The following DOCK4 variants were observed in gnomAD, a reference collection of about 807,000 sequenced individuals.
DOCK4 encodes the protein dedicator of cytokinesis protein 4.
A neutral mutation model predicts 268.1 loss-of-function variants in DOCK4; 97 were observed. The ratio of observed to expected loss-of-function variants is 0.36; its 90% confidence interval spans 0.31 to 0.43. The LOEUF is 0.43. DOCK4 is among the 20% of genes least tolerant of loss of function. The probability of loss-of-function intolerance (pLI) is 1.00; values close to 1 mark genes in which losing one functional copy is unlikely to be tolerated. For synonymous variants in DOCK4, 954 were observed against 887.2 expected (o/e 1.08, Z -1.34); for missense variants, 2,145 against 2,455.7 (o/e 0.87, Z 2.67).
rs575959279 is a variant in DOCK4 at position 112,083,819 on chromosome 7, C to T, written c.38-79688G>A. Among the ~76,000 whole-genome samples, 34 of 152,194 alleles carry T rather than the reference C, an allele frequency of 2.2e-4. 1 individual carries two copies. In the Middle Eastern group the frequency reaches 0.01, roughly 46 times the overall value. On this transcript the variant is annotated intron_variant, in intron 1 of 52. Transcript: ENST00000428084. Reference sequence around the variant, plus strand: ...ATCATACCAAAGGCTTAGTTTAGTACGGTAAATTAGATTGGTATTTGGCAA... The same window carrying T: ...ATCATACCAAAGGCTTAGTTTAGTATGGTAAATTAGATTGGTATTTGGCAA...
At chr7:111,764,395 T>C (rs1416841142) in intron 39 of DOCK4, among the ~76,000 whole-genome samples, 1 of 152,212 alleles carries the variant, frequency 6.6e-6, no homozygotes, top group African/African-American at 2.4e-5. Flanking sequence ...GTTGTAACAA[T>C]TGATTCAATT....
intron 30 of DOCK4, among the ~76,000 whole-genome samples, chr7:111,803,207 A>T (rs1222658313): frequency 6.6e-6 from 1 of 152,230 alleles, no homozygotes; most frequent in Non-Finnish European, 1.5e-5. Context: ...ATTGTGCAGG[A>T]ATGCATGAGA....
At chr7:111,835,503 C>T (rs1482449984) in intron 25 of DOCK4, among the ~76,000 whole-genome samples, 1 of 152,078 alleles carries the variant, frequency 6.6e-6, no homozygotes, top group African/African-American at 2.4e-5. Context: ...CATAAAATTG[C>T]TATCACTTGC....
chr7:111,888,729 T>TC (rs1808047774), intron 16 of DOCK4, among the ~76,000 whole-genome samples: 2 of 151,834 alleles, frequency 1.3e-5, no homozygotes, highest in South Asian at 4.1e-4. Context: ...CACTCCATCT[T>TC]CCCCCCTCTT....
chr7:111,772,711 A>G (rs571121834), intron 36 of DOCK4, among the ~76,000 whole-genome samples: 33 of 152,270 alleles, frequency 2.2e-4, no homozygotes, highest in African/African-American at 7.0e-4. Flanking sequence ...CAGGTGAATC[A>G]CTTGAACCCA....
rs545439522 is a variant in DOCK4 at position 112,146,746 on chromosome 7, G to A, written c.37+59356C>T. Among the ~76,000 whole-genome samples, 89 of 152,142 alleles carry A rather than the reference G, an allele frequency of 5.8e-4. 1 individual carries two copies. Among genetic ancestry groups the A allele is most frequent in the Admixed American group, 1.9e-3 (29 of 15,268 alleles). ...AGACCTTGTCTCAAAAAAGTACTTT[G>A]GCAGAGGAAGAACATTTTACAGAGA... On this transcript the variant is annotated intron_variant, in intron 1 of 52. Transcript: ENST00000428084.
chr7:111,882,083 A>C (rs569047144), intron 16 of DOCK4, among the ~76,000 whole-genome samples: 117 of 152,344 alleles, frequency 7.7e-4, no homozygotes, highest in African/African-American at 2.4e-3. Flanking sequence ...GTATAATTGG[A>C]TTGTTTGTAA....
intron 1 of DOCK4, among the ~76,000 whole-genome samples, chr7:112,084,327 T>C (rs1033290220): frequency 2.0e-5 from 3 of 152,216 alleles, no homozygotes; most frequent in African/African-American, 7.2e-5. Context: ...ACCATTACAT[T>C]TCAGTACAAT....
In DOCK4 at chr7:111,742,052, A is replaced by C. The variant is rs373126240; in HGVS notation, c.4758T>G (p.Val1586=). The C allele has an allele frequency of 1.6e-5, 26 of 1,608,844 alleles. No individual in the cohort carries two copies. Among genetic ancestry groups the C allele is most frequent in the African/African-American group, 4.0e-5 (3 of 74,690 alleles). The change falls in exon 45 of 53, where the codon GTT becomes GTG. Residue 1586 remains valine, a synonymous_variant. Transcript: ENST00000428084. Reference sequence around the variant, plus strand: ...TCGACTTCATCACAAAGAATTGGTCAACCAGCTTTTTGTGAAGGGGTCTCA... The same window carrying C: ...TCGACTTCATCACAAAGAATTGGTCCACCAGCTTTTTGTGAAGGGGTCTCA... ...QDMRPLHKKL[V]DQFFVMKSSL...
chr7:112,012,335 A>T (rs1379941920), intron 1 of DOCK4, among the ~76,000 whole-genome samples: 1 of 151,914 alleles, frequency 6.6e-6, no homozygotes, highest in Non-Finnish European at 1.5e-5. Flanking sequence ...GCTTTTTCTG[A>T]TAAGGCAGCA....
intron 1 of DOCK4, among the ~76,000 whole-genome samples, chr7:112,028,802 G>T (rs12673764): frequency 0.11 from 16,018 of 152,122 alleles, 1,301 homozygotes; most frequent in East Asian, 0.39. Context: ...GCCTCACTGG[G>T]TTCCCTTTGT....
intron 1 of DOCK4, among the ~76,000 whole-genome samples, chr7:112,076,694 A>G (rs938509704): frequency 6.6e-6 from 1 of 152,280 alleles, no homozygotes; most frequent in East Asian, 1.9e-4. Flanking sequence ...AAGTGTGTTC[A>G]GGGTTTTATG....
At chr7:111,943,309 G>A (rs960285678) in intron 10 of DOCK4, among the ~76,000 whole-genome samples, 3 of 152,154 alleles carry the variant, frequency 2.0e-5, no homozygotes, top group South Asian at 2.1e-4. Context: ...CTACTGAGGC[G>A]GCTTCCTTGG....
intron 1 of DOCK4, among the ~76,000 whole-genome samples, chr7:112,022,059 T>C (rs1802366305): frequency 6.6e-6 from 1 of 152,250 alleles, no homozygotes. Flanking sequence ...TACTATATTC[T>C]ATGTCATGAC....
At chr7:112,182,463 T>C (rs1471815527) in intron 1 of DOCK4, among the ~76,000 whole-genome samples, 4 of 152,184 alleles carry the variant, frequency 2.6e-5, no homozygotes, top group Non-Finnish European at 5.9e-5. Flanking sequence ...GGTGTTAGCA[T>C]TGCATTGGCT....
intron 22 of DOCK4, among the ~76,000 whole-genome samples, chr7:111,865,481 C>T (rs936892084): frequency 6.6e-6 from 1 of 152,184 alleles, no homozygotes; most frequent in Non-Finnish European, 1.5e-5. Context: ...CAGGTTTCTG[C>T]CTATAAGGCA....
chr7:111,825,430 G>A (rs567288339), intron 26 of DOCK4, among the ~76,000 whole-genome samples: 1 of 137,600 alleles, frequency 7.3e-6, no homozygotes, highest in East Asian at 2.5e-4. Flanking sequence ...TGTCCTCTCC[G>A]AGTACTTTTC....
At chr7:111,842,177 G>T (rs1803752425) in intron 25 of DOCK4, among the ~76,000 whole-genome samples, 1 of 152,074 alleles carries the variant, frequency 6.6e-6, no homozygotes, top group Non-Finnish European at 1.5e-5. Flanking sequence ...AAAACAAACA[G>T]AAAAAGACTC....
chr7:111,798,462 C>T (rs1800052224), intron 30 of DOCK4, among the ~76,000 whole-genome samples: 1 of 152,242 alleles, frequency 6.6e-6, no homozygotes, highest in Non-Finnish European at 1.5e-5. Flanking sequence ...AGGAGTGTCT[C>T]AGAAGAAACT....
Sources: gnomAD v4.1 joint callset for allele counts (sites outside exome capture counted in the v4.1 genomes callset) on GRCh38, gnomAD v4.1.1 for gene constraint, MANE v1.5 for transcripts, NCBI Gene and HGNC (gene_info 2026-07-23, HGNC 2026-07-21) for gene names.